Variants in ACSS2 observed in about 807,000 individuals in gnomAD.
The protein encoded by ACSS2 is acyl-CoA synthetase short chain family member 2, also known as acetyl-coenzyme A synthetase, cytoplasmic.
ACSS2 carries 58 observed loss-of-function variants against 90.6 expected under a neutral mutation model. That is an observed-to-expected ratio of 0.64 (90% CI 0.52 to 0.80). The LOEUF is 0.80. Ranked by LOEUF, ACSS2 falls within the 30% of genes least tolerant of loss-of-function variation. The pLI is 0.00. For missense variants in ACSS2, 759 were observed against 912.0 expected, an observed-to-expected ratio of 0.83 and a Z score of 2.16; for synonymous variants, 300 against 330.9, an observed-to-expected ratio of 0.91 and a Z score of 1.01.
chr20:34,913,294 G>A, intron 3 of ACSS2, 99 bp from the exon 4 acceptor site: 5 of 1,546,726 alleles, frequency 3.2e-6, no homozygotes, highest in Non-Finnish European at 4.5e-6. Flanking sequence ...GGTAACAGAG[G>A]AAGAGAACAG....
intron 2 of ACSS2, among the ~76,000 whole-genome samples, chr20:34,896,979 G>A (rs886541815): frequency 2.6e-5 from 4 of 151,538 alleles, no homozygotes; most frequent in African/African-American, 4.9e-5. Context: ...GCAGTGAGCC[G>A]AGATAGCACC....
chr20:34,899,341 G>GGACTGCCAGCACGCTGTCAC (rs2080568363), intron 2 of ACSS2, among the ~76,000 whole-genome samples: 2 of 152,342 alleles, frequency 1.3e-5, no homozygotes, highest in South Asian at 4.1e-4. Context: ...AGGGCTGTGA[G>GGACTGCCAGCACGCTGTCAC]GACTGCCAGC....
chr20:34,911,548 T>A (rs1240966773), intron 2 of ACSS2, among the ~76,000 whole-genome samples: 2 of 152,242 alleles, frequency 1.3e-5, no homozygotes, highest in African/African-American at 4.8e-5. Context: ...GGTCTTGAAC[T>A]CTTGGCCTCA....
chr20:34,926,946 G>A lies in ACSS2; in HGVS notation c.1973G>A (p.Arg658His), dbSNP rs200708044. The change falls in exon 17 of 18, where the codon CGC becomes CAC. Residue 658 changes from arginine (R) to histidine (H), a missense_variant. Physicochemically the swap from Arg to His is conservative, Grantham distance 29. Transcript: ENST00000360596. ...AATGCACCTGGCTTGCCTAAAACCCGCTCAGGTATGTTCAGAGGCCTCCAT... is the reference window on the plus strand; with the variant it reads ...AATGCACCTGGCTTGCCTAAAACCCACTCAGGTATGTTCAGAGGCCTCCAT... ...IQNAPGLPKT[R>H]SGKIMRRVLR... 419 of 1,614,162 alleles carry A rather than the reference G, an allele frequency of 2.6e-4. No individual in the cohort carries two copies. The highest frequency in any genetic ancestry group is 3.2e-4 in the Non-Finnish European group (374 of 1,180,026).
At chr20:34,907,307 G>C (rs1486066054) in intron 2 of ACSS2, among the ~76,000 whole-genome samples, 2 of 152,016 alleles carry the variant, frequency 1.3e-5, no homozygotes, top group African/African-American at 4.8e-5. Flanking sequence ...TAGTAGAGTT[G>C]GGGCTTCGCC....
chr20:34,921,762 G>A, intron 12 of ACSS2, 24 bp from the exon 13 acceptor site: 1 of 1,612,710 alleles, frequency 6.2e-7, no homozygotes, highest in Non-Finnish European at 8.5e-7. Flanking sequence ...CTCTTCTTGG[G>A]TTCTGTCTCC....
At chr20:34,884,818 G>A (rs928024492) in intron 2 of ACSS2, among the ~76,000 whole-genome samples, 1 of 152,150 alleles carries the variant, frequency 6.6e-6, no homozygotes, top group African/African-American at 2.4e-5. Context: ...CAGCACTTTG[G>A]GAGGCTGAGG....
intron 2 of ACSS2, among the ~76,000 whole-genome samples, chr20:34,884,661 T>C (rs1038231569): frequency 6.6e-6 from 1 of 152,262 alleles, no homozygotes; most frequent in Non-Finnish European, 1.5e-5. Context: ...CCATTGTGTC[T>C]GTTGAGACTC....
At chr20:34,878,229 G>A (rs957125650) in intron 1 of ACSS2, among the ~76,000 whole-genome samples, 7 of 152,270 alleles carry the variant, frequency 4.6e-5, no homozygotes, top group African/African-American at 7.2e-5. Context: ...GAGCTACTGC[G>A]CCTAGCCAAG....
rs1040040048 is a variant in ACSS2 at position 34,899,839 on chromosome 20, C to G, written c.375-13257C>G. On this transcript the variant is annotated intron_variant, in intron 2 of 17. Coordinates refer to ENST00000360596, the MANE Select transcript of ACSS2 (RefSeq NM_018677.4). ...TTGGTGGACATTTGGGTTGTTTACACTTTCTGATGTCATGAATAACGCTAC... is the reference window on the plus strand; with the variant it reads ...TTGGTGGACATTTGGGTTGTTTACAGTTTCTGATGTCATGAATAACGCTAC... Among the ~76,000 whole-genome samples the G allele has an allele frequency of 2.6e-5, 4 of 152,044 alleles. 1 individual carries two copies. Among genetic ancestry groups the G allele is most frequent in the Non-Finnish European group, 4.4e-5 (3 of 68,018 alleles).
At chr20:34,876,508 A>C (rs1601262342), upstream of ACSS2, 5 of 901,012 alleles carry the variant, frequency 5.5e-6, no homozygotes, top group African/African-American at 1.9e-5. Context: ...GGCACCGCCC[A>C]CCCGCCAGAC....
chr20:34,896,575 T>C (rs1484927131), intron 2 of ACSS2, among the ~76,000 whole-genome samples: 1 of 152,228 alleles, frequency 6.6e-6, no homozygotes, highest in Non-Finnish European at 1.5e-5. Context: ...ATCTATTCAT[T>C]TTACAATTAT....
At chr20:34,877,378 G>A (rs2079941798) in intron 1 of ACSS2, among the ~76,000 whole-genome samples, 1 of 152,078 alleles carries the variant, frequency 6.6e-6, no homozygotes, top group South Asian at 2.1e-4. Context: ...TTAGTATATC[G>A]GACATCCTAA....
chr20:34,923,237 CT>C, intron 13 of ACSS2, 85 bp from the exon 14 acceptor site: 1 of 1,012,624 alleles, frequency 9.9e-7, no homozygotes, highest in Non-Finnish European at 1.5e-6. Flanking sequence ...ATTCAGGACA[CT>C]TTCCCCCACA....
chr20:34,877,909 C>CAGACAGAT (rs1555878357), intron 1 of ACSS2, among the ~76,000 whole-genome samples: 22 of 146,534 alleles, frequency 1.5e-4, no homozygotes, highest in African/African-American at 4.8e-4. Context: ...GATAGATAGA[C>CAGACAGAT]AGATAGATAG....
At chr20:34,921,203 C>T in intron 10 of ACSS2, 64 bp downstream of exon 10, 2 of 1,610,856 alleles carry the variant, frequency 1.2e-6, no homozygotes, top group Non-Finnish European at 1.7e-6. Context: ...GGCCTTTGTA[C>T]AGTCTCTTCT....
At chr20:34,919,407 C>T (rs1487166132) in intron 7 of ACSS2, 28 bp from the exon 8 acceptor site, 2 of 1,613,088 alleles carry the variant, frequency 1.2e-6, no homozygotes, top group Non-Finnish European at 1.7e-6. Context: ...TTGAGCTGTT[C>T]ACAGTTCTTC....
Position 34,927,238 on chromosome 20 carries a change from G to A in ACSS2, c.*24G>A, listed in dbSNP as rs747993765. On this transcript the variant is annotated 3_prime_UTR_variant, in exon 18 of 18. Coordinates refer to ENST00000360596, the MANE Select transcript of ACSS2 (RefSeq NM_018677.4). The surrounding 1 kb of genome is among the most constrained non-coding windows in gnomAD (Gnocchi z 4.2). Reference sequence around the variant, plus strand: ...GAACATGATCCTGACCTTTACCTAGGATTCCTCCTGCTCCAAACTTTGCCC... The same window carrying A: ...GAACATGATCCTGACCTTTACCTAGAATTCCTCCTGCTCCAAACTTTGCCC... The A allele has an allele frequency of 5.0e-6, 8 of 1,611,086 alleles. No homozygotes were observed. Among genetic ancestry groups the A allele is most frequent in the Non-Finnish European group, 6.8e-6 (8 of 1,179,886 alleles).
At chr20:34,896,076 G>A (rs1255327587) in intron 2 of ACSS2, among the ~76,000 whole-genome samples, 1 of 152,200 alleles carries the variant, frequency 6.6e-6, no homozygotes, top group African/African-American at 2.4e-5. Context: ...GGTAAGGCCA[G>A]CATGGGACAC....
Sources: allele counts gnomAD v4.1 joint callset (sites outside exome capture counted in the v4.1 genomes callset), GRCh38; gene constraint gnomAD v4.1.1; non-coding constraint Gnocchi (gnomAD v3.1); transcripts MANE v1.5; gene names NCBI Gene and HGNC (gene_info 2026-07-23, HGNC 2026-07-21).